The following PLXNA2 variants were observed in gnomAD, a reference collection of about 807,000 sequenced individuals.
PLXNA2 encodes the protein plexin A2, also known as plexin-A2.
Under a neutral mutation model 193.5 loss-of-function variants are expected in PLXNA2, and 91 were observed. That is an observed-to-expected ratio of 0.47 (90% CI 0.40 to 0.56). PLXNA2 has a LOEUF of 0.56. Ranked by LOEUF, PLXNA2 falls within the 20% of genes least tolerant of loss-of-function variation. The pLI is 0.00. For missense variants in PLXNA2, 1,995 were observed against 2,503.2 expected (o/e 0.80, Z 4.33); for synonymous variants, 997 against 1,027.3 (o/e 0.97, Z 0.56).
chr1:208,098,771 A>G, intron 6 of PLXNA2, 75 bp downstream of exon 6: 1 of 1,515,490 alleles, frequency 6.6e-7, no homozygotes. Flanking sequence ...TACTTGTGCA[A>G]GCGTGAATGG....
chr1:208,040,389 C>A (rs567204871), intron 22 of PLXNA2: 1 of 282,154 alleles, frequency 3.5e-6, no homozygotes, highest in Non-Finnish European at 6.7e-6. Context: ...TATAAAGAAC[C>A]GGTTCTCCCA....
chr1:208,130,836 C>T (rs1287235142), intron 4 of PLXNA2, among the ~76,000 whole-genome samples: 3 of 152,186 alleles, frequency 2.0e-5, no homozygotes, highest in African/African-American at 7.2e-5. Flanking sequence ...ATCTGACAGA[C>T]AGCATGTGCC....
chr1:208,111,039 G>A (rs369795035), intron 4 of PLXNA2, among the ~76,000 whole-genome samples: 16 of 152,176 alleles, frequency 1.1e-4, no homozygotes, highest in African/African-American at 3.6e-4. Flanking sequence ...GATTGGGAAG[G>A]GTGAAAGATT....
intron 3 of PLXNA2, among the ~76,000 whole-genome samples, chr1:208,186,708 A>ATTTTGTTTTTTGTTTTTTTT (rs368056918): frequency 9.0e-6 from 1 of 111,694 alleles, no homozygotes; most frequent in African/African-American, 3.0e-5. Flanking sequence ...TTGCAATGTT[A>ATTTTGTTTTTTGTTTTTTTT]TTTTATTTTT....
At chr1:208,112,081 A>C (rs1339011701) in intron 4 of PLXNA2, among the ~76,000 whole-genome samples, 1 of 152,224 alleles carries the variant, frequency 6.6e-6, no homozygotes, top group Non-Finnish European at 1.5e-5. Context: ...AGTAATTCAG[A>C]GTAATTAAAC....
intron 1 of PLXNA2, among the ~76,000 whole-genome samples, chr1:208,219,553 A>T (rs1671254190): frequency 6.6e-6 from 1 of 152,234 alleles, no homozygotes; most frequent in Admixed American, 6.5e-5. Context: ...GCTCCAAGGC[A>T]GCTTAGGAGA....
intron 1 of PLXNA2, among the ~76,000 whole-genome samples, chr1:208,235,009 C>T (rs567733101): frequency 6.6e-6 from 1 of 152,330 alleles, no homozygotes; most frequent in East Asian, 1.9e-4. Flanking sequence ...GCCAGATACC[C>T]ATGAGCTCTG....
At chr1:208,089,881 C>T (rs1241641783) in intron 9 of PLXNA2, among the ~76,000 whole-genome samples, 1 of 152,084 alleles carries the variant, frequency 6.6e-6, no homozygotes, top group African/African-American at 2.4e-5. Flanking sequence ...ATGAAACTAT[C>T]AGCTGGGACG....
At chr1:208,106,410 A>C (rs72739500) in intron 4 of PLXNA2, among the ~76,000 whole-genome samples, 1 of 152,256 alleles carries the variant, frequency 6.6e-6, no homozygotes. Context: ...TCAAGTTGCG[A>C]ACAGGCTAGC....
At chr1:208,190,969 C>A (rs1326704596) in intron 3 of PLXNA2, among the ~76,000 whole-genome samples, 1 of 152,220 alleles carries the variant, frequency 6.6e-6, no homozygotes, top group African/African-American at 2.4e-5. Flanking sequence ...TCTTTCAGTG[C>A]AGACCTGCCA....
chr1:208,071,189 G>A (rs779308475), intron 12 of PLXNA2, among the ~76,000 whole-genome samples: 17 of 152,320 alleles, frequency 1.1e-4, no homozygotes, highest in Middle Eastern at 6.8e-3. Context: ...AAGAGGTGCC[G>A]AAGAAGCCAC....
In PLXNA2 at chr1:208,172,855, G is replaced by A. The variant is rs1669537671; in HGVS notation, c.1372-30392C>T. ...GGGATACTCTGGGGACGGCTGGCTG[G>A]CTGCAGAAGATGGGTCCTTCTAGCA... On this transcript the variant is annotated intron_variant, in intron 3 of 31. Transcript: ENST00000367033. Among the ~76,000 whole-genome samples the A allele has an allele frequency of 5.9e-5, 9 of 152,284 alleles. No individual in the cohort carries two copies. The South Asian group carries it at 1.7e-3, about 28-fold the overall frequency.
In PLXNA2 at chr1:208,044,459, G is replaced by A; in HGVS notation, c.3874+49C>T. ...TGTCTGCAGGGAGAAGGGCAATAAG[G>A]CAGGTGGAGAAAGAGGGACCCAGCA... On this transcript the variant is annotated intron_variant, in intron 20 of 31. Transcript: ENST00000367033. The surrounding 1 kb of genome is among the most constrained non-coding windows in gnomAD (Gnocchi z 4.9). 1 of 1,298,064 alleles carries A rather than the reference G, an allele frequency of 7.7e-7. No individual in the cohort carries two copies. Among genetic ancestry groups the A allele is most frequent in the Non-Finnish European group, 1.1e-6 (1 of 894,732 alleles). The allele number at this position is 1,298,064 out of a possible 1,614,324, so 80.4% of individuals were successfully genotyped here.
At position 208,210,391 on chromosome 1, in the gene PLXNA2, C is replaced by T; in HGVS notation, c.1260G>A (p.Glu420=). The change falls in exon 3 of 32, where the codon GAG becomes GAA. Residue 420 remains glutamate, a synonymous_variant. Coordinates refer to ENST00000367033, the MANE Select transcript of PLXNA2 (RefSeq NM_025179.4). ...NQPLGGSTPV[E]GLTLYTTSRD... ...TGCTGGTGGTGTACAGGGTCAGGCCCTCCACTGGAGTTGAGCCTCCCAGGG... is the reference window on the plus strand; with the variant it reads ...TGCTGGTGGTGTACAGGGTCAGGCCTTCCACTGGAGTTGAGCCTCCCAGGG... 6.2e-7 allele frequency: 1 copy of T among 1,614,040 alleles called. No individual in the cohort carries two copies. The highest frequency in any genetic ancestry group is 1.1e-5 in the South Asian group (1 of 91,058).
intron 4 of PLXNA2, among the ~76,000 whole-genome samples, chr1:208,124,265 G>A (rs7515858): frequency 0.65 from 99,222 of 151,682 alleles, 32,661 homozygotes; most frequent in Non-Finnish European, 0.67. Flanking sequence ...ACAACTATTG[G>A]GTACTAGGCT....
Position 208,096,092 on chromosome 1 carries a change from T to C in PLXNA2, c.1919A>G (p.Lys640Arg), listed in dbSNP as rs769833670. ...GCTGACAAATATCTTCCCTGTCTCC[T>C]TGGACCTCAGCTGTAGCTCCAGCCC... The part of the protein sequence containing the change: ...WFGLELQLRS[K>R]ETGKIFVSTE... The change falls in exon 8 of 32, where the codon AAG becomes AGG. Residue 640 changes from lysine to arginine, a missense_variant. Coordinates refer to ENST00000367033, the MANE Select transcript of PLXNA2 (RefSeq NM_025179.4). The C allele has an allele frequency of 3.3e-5, 54 of 1,613,982 alleles. No individual in the cohort carries two copies. In the Middle Eastern group the frequency reaches 9.9e-4, roughly 29 times the overall value.
At chr1:208,032,082 GCACAGGC>G (rs1664522265) in intron 28 of PLXNA2, 2 of 985,216 alleles carry the variant, frequency 2.0e-6, no homozygotes, top group African/African-American at 3.5e-5. Flanking sequence ...GAATGAGGGG[GCACAGGC>G]TGCAAGCCAG....
At chr1:208,157,140 T>C (rs535961950) in intron 3 of PLXNA2, among the ~76,000 whole-genome samples, 19 of 152,372 alleles carry the variant, frequency 1.2e-4, no homozygotes, top group African/African-American at 3.6e-4. Flanking sequence ...GTAGGGACAC[T>C]GCCTTCTCTC....
rs576687758 is a variant in PLXNA2 at position 208,039,801 on chromosome 1, C to T, written c.4354-34G>A. ...ACAGACAGGGCAGGAGGTGTGGGCA[C>T]GGCCTCCTCAGGTTTGTACGTTTTC... On this transcript the variant is annotated intron_variant, in intron 23 of 31. Coordinates refer to ENST00000367033, the MANE Select transcript of PLXNA2 (RefSeq NM_025179.4). The T allele has an allele frequency of 3.0e-5, 48 of 1,613,180 alleles. 2 individuals carry two copies. The Middle Eastern group carries it at 5.0e-4, about 17-fold the overall frequency.
Sources: allele counts gnomAD v4.1 joint callset (sites outside exome capture counted in the v4.1 genomes callset), GRCh38; gene constraint gnomAD v4.1.1; non-coding constraint Gnocchi (gnomAD v3.1); transcripts MANE v1.5; gene names NCBI Gene and HGNC (gene_info 2026-07-23, HGNC 2026-07-21).